Variants in ADGRL2 observed in about 807,000 individuals in gnomAD.
ADGRL2 encodes the protein calcium-independent alpha-latrotoxin receptor 2.
ADGRL2 carries 44 observed loss-of-function variants against 157.4 expected under a neutral mutation model. The ratio of observed to expected loss-of-function variants is 0.28; its 90% confidence interval spans 0.22 to 0.36. The LOEUF (loss-of-function observed/expected upper bound fraction) is 0.36, where lower values mean the gene tolerates loss of function less well. Among genes scored for constraint, ADGRL2 ranks in the 10% least tolerant of loss-of-function variants. The probability of loss-of-function intolerance (pLI) is 1.00; values close to 1 mark genes in which losing one functional copy is unlikely to be tolerated. For synonymous variants in ADGRL2, 585 were observed against 624.7 expected (o/e 0.94, Z 0.95); for missense variants, 1,510 against 1,768.9 (o/e 0.85, Z 2.63).
At chr1:81,898,122 C>CA (rs1156437396) in intron 2 of ADGRL2, among the ~76,000 whole-genome samples, 5 of 151,876 alleles carry the variant, frequency 3.3e-5, no homozygotes, top group African/African-American at 4.8e-5. Context: ...AGCAGACAAA[C>CA]AAAAAAACAG....
chr1:81,550,407 A>G (rs2080117757), intron 2 of ADGRL2, among the ~76,000 whole-genome samples: 2 of 152,168 alleles, frequency 1.3e-5, no homozygotes, highest in Admixed American at 1.3e-4. Flanking sequence ...ATTTCCAGTG[A>G]TTTTTAACAG....
intron 2 of ADGRL2, among the ~76,000 whole-genome samples, chr1:81,512,359 G>A (rs1381571828): frequency 1.3e-5 from 2 of 152,168 alleles, no homozygotes; most frequent in African/African-American, 2.4e-5. Flanking sequence ...AGCTGTGTCG[G>A]AGCAGGGACA....
At chr1:81,891,252 T>C (rs1571945925) in intron 2 of ADGRL2, among the ~76,000 whole-genome samples, 1 of 151,986 alleles carries the variant, frequency 6.6e-6, no homozygotes, top group East Asian at 1.9e-4. Flanking sequence ...TTTATGATGT[T>C]TTGCATCATA....
intron 2 of ADGRL2, among the ~76,000 whole-genome samples, chr1:81,577,412 C>A (rs1040132034): frequency 2.6e-5 from 4 of 152,144 alleles, no homozygotes; most frequent in African/African-American, 7.2e-5. Context: ...TCTGTGTGTG[C>A]ATTGTCTCTC....
intron 1 of ADGRL2, among the ~76,000 whole-genome samples, chr1:81,756,433 C>T (rs986446593): frequency 2.6e-5 from 4 of 152,070 alleles, no homozygotes; most frequent in Non-Finnish European, 5.9e-5. Context: ...AAGACTTTCC[C>T]TACTCTGTCA....
At chr1:81,687,097 T>A (rs2083244077) in intron 3 of ADGRL2, among the ~76,000 whole-genome samples, 1 of 152,166 alleles carries the variant, frequency 6.6e-6, no homozygotes, top group South Asian at 2.1e-4. Context: ...TTGAATAGAA[T>A]GTGTGTGTAT....
In ADGRL2 at chr1:81,705,084, G is replaced by T. The variant is rs190644556; in HGVS notation, c.-143+5276G>T. Among the ~76,000 whole-genome samples the T allele has an allele frequency of 4.3e-4, 65 of 152,060 alleles. 1 individual carries two copies. The highest frequency in any genetic ancestry group is 1.5e-3 in the African/African-American group (63 of 41,476). The stretch of plus-strand genomic sequence containing the variant: ...TATTTATTTATTGAGACAGAGTCCC[G>T]CTCTGTCGCCCAGGCTGGAATGCAG... On this transcript the variant is annotated intron_variant, in intron 1 of 20. Coordinates refer to the ADGRL2 transcript ENST00000359929.
chr1:81,824,144 A>G (rs1364508728), intron 1 of ADGRL2, among the ~76,000 whole-genome samples: 1 of 152,186 alleles, frequency 6.6e-6, no homozygotes, highest in Non-Finnish European at 1.5e-5. Context: ...CTTCTGAATC[A>G]TTGTATTACT....
intron 1 of ADGRL2, among the ~76,000 whole-genome samples, chr1:81,832,940 T>TAA (rs1557734177): frequency 6.6e-6 from 1 of 152,220 alleles, no homozygotes; most frequent in East Asian, 1.9e-4. Flanking sequence ...GAAAAGTGAA[T>TAA]AACCTGATTG....
chr1:81,429,934 C>T (rs2077289006), intron 1 of ADGRL2, among the ~76,000 whole-genome samples: 1 of 152,078 alleles, frequency 6.6e-6, no homozygotes, highest in African/African-American at 2.4e-5. Flanking sequence ...GCTCTAGTTG[C>T]CCAGGCTGGA....
chr1:81,543,630 C>T (rs1425112913), intron 2 of ADGRL2, among the ~76,000 whole-genome samples: 6 of 152,316 alleles, frequency 3.9e-5, no homozygotes, highest in South Asian at 2.1e-4. Context: ...TGGGTTACTA[C>T]GATAGCCTTC....
At chr1:81,709,805 T>A (rs2083863236) in intron 1 of ADGRL2, among the ~76,000 whole-genome samples, 1 of 152,140 alleles carries the variant, frequency 6.6e-6, no homozygotes, top group African/African-American at 2.4e-5. Context: ...TCAACCAAGC[T>A]TTAAAAAAAT....
At chr1:81,426,058 TGTG>T (rs2101581981) in intron 1 of ADGRL2, among the ~76,000 whole-genome samples, 2 of 152,218 alleles carry the variant, frequency 1.3e-5, no homozygotes, top group South Asian at 2.1e-4. Context: ...CAAAGTTTCA[TGTG>T]GTAGAAAGCC....
intron 1 of ADGRL2, among the ~76,000 whole-genome samples, chr1:81,357,119 C>A (rs948729814): frequency 6.6e-6 from 1 of 151,988 alleles, no homozygotes; most frequent in Non-Finnish European, 1.5e-5. Context: ...ATAAACACAG[C>A]AAGACACATC....
intron 2 of ADGRL2, among the ~76,000 whole-genome samples, chr1:81,861,893 A>C (rs545957367): frequency 1.3e-5 from 2 of 152,058 alleles, no homozygotes; most frequent in Non-Finnish European, 1.5e-5. Flanking sequence ...AAAAGAAGAA[A>C]AAAAAAAAGA....
intron 1 of ADGRL2, among the ~76,000 whole-genome samples, chr1:81,359,811 C>T (rs2075945282): frequency 6.6e-6 from 1 of 151,904 alleles, no homozygotes; most frequent in Non-Finnish European, 1.5e-5. Context: ...AAGAAACCAC[C>T]ATTCACTTTC....
chr1:81,748,243 C>G (rs2085365424), intron 1 of ADGRL2, among the ~76,000 whole-genome samples: 1 of 151,804 alleles, frequency 6.6e-6, no homozygotes, highest in Admixed American at 6.6e-5. Flanking sequence ...TTTTAGGAGG[C>G]CAAGATGGAC....
At chr1:81,603,190 G>C (rs6671683) in intron 3 of ADGRL2, among the ~76,000 whole-genome samples, 10,358 of 151,996 alleles carry the variant, frequency 0.068, 1,109 homozygotes, top group African/African-American at 0.23. Flanking sequence ...TGTAGTTCCT[G>C]TCTCCAAATC....
At chr1:81,489,208 G>A (rs1221830289) in intron 2 of ADGRL2, among the ~76,000 whole-genome samples, 2 of 151,674 alleles carry the variant, frequency 1.3e-5, no homozygotes, top group Admixed American at 1.3e-4. Context: ...CTGCACTCCA[G>A]CGTGGGTGAC....
Sources: gnomAD v4.1 joint callset for allele counts (sites outside exome capture counted in the v4.1 genomes callset) on GRCh38, gnomAD v4.1.1 for gene constraint, MANE v1.5 for transcripts, NCBI Gene and HGNC (gene_info 2026-07-23, HGNC 2026-07-21) for gene names.